The following NPEPPS variants were observed in gnomAD, a reference collection of about 807,000 sequenced individuals.
NPEPPS encodes aminopeptidase puromycin sensitive.
In NPEPPS, 14 loss-of-function variants were observed where a neutral mutation model predicts 115.5. That is an observed-to-expected ratio of 0.12 (90% CI 0.08 to 0.19). The LOEUF is 0.19. Ranked by LOEUF, NPEPPS falls within the 10% of genes least tolerant of loss-of-function variation. NPEPPS has a pLI of 1.00. For synonymous variants in NPEPPS, 285 were observed against 390.6 expected, an observed-to-expected ratio of 0.73 and a Z score of 3.19; for missense variants, 523 against 1,110.8, an observed-to-expected ratio of 0.47 and a Z score of 7.52.
At chr17:47,594,612 TTATGTTATGTTA>T (rs1272402136) in intron 12 of NPEPPS, among the ~76,000 whole-genome samples, 1 of 150,006 alleles carries the variant, frequency 6.7e-6, no homozygotes, top group African/African-American at 2.5e-5. Context: ...TTATGTTATG[TTATGTTATGTTA>T]TGTTATGTTA....
rs111465887 is a variant in NPEPPS, at chr17:47,550,791, T to G, written c.340+4798T>G. On this transcript the variant is annotated intron_variant, in intron 2 of 22. Transcript: ENST00000322157. ...ACAGGTGTGCACCACCACACCCAGC[T>G]AATTTTTGTATTTTTAGTAGAGACA... Among the ~76,000 whole-genome samples, 834 of 151,980 alleles carry G rather than the reference T, an allele frequency of 5.5e-3. 7 individuals carry two copies. Among genetic ancestry groups the G allele is most frequent in the African/African-American group, 0.02 (811 of 41,488 alleles).
chr17:47,558,279 C>T (rs1910193797), intron 2 of NPEPPS, among the ~76,000 whole-genome samples: 2 of 151,154 alleles, frequency 1.3e-5, no homozygotes, highest in African/African-American at 2.4e-5. Flanking sequence ...AGGCTTGTGC[C>T]ACCATTCCTG....
At position 47,618,466 on chromosome 17, in the gene NPEPPS, C is replaced by T. The variant is rs3760370; in HGVS notation, c.2403+9C>T. 0.5 allele frequency: 789,749 copies of T among 1,579,612 alleles called. 199,908 individuals carry two copies. The highest frequency in any genetic ancestry group is 0.56 in the Admixed American group (33,740 of 59,824). ...TCACGTTTGCACTTTCAGTAAGTTA[C>T]GGTGAAAACTGCATTTAGAAGTGAA... On this transcript the variant is annotated intron_variant, in intron 20 of 22. Transcript: ENST00000322157.
At chr17:47,597,842 G>A (rs964551972) in intron 13 of NPEPPS, among the ~76,000 whole-genome samples, 12 of 152,166 alleles carry the variant, frequency 7.9e-5, no homozygotes, top group Admixed American at 5.2e-4. Flanking sequence ...CCCTTTCAGA[G>A]CCAAATCTTA....
At chr17:47,541,784 AT>A (rs1159650621) in intron 1 of NPEPPS, among the ~76,000 whole-genome samples, 2 of 152,146 alleles carry the variant, frequency 1.3e-5, no homozygotes, top group African/African-American at 2.4e-5. Context: ...TTTTAGTGCT[AT>A]TTAGGTATGT....
At chr17:47,524,178 G>A (rs967963920) in intron 1 of NPEPPS, among the ~76,000 whole-genome samples, 3 of 151,628 alleles carry the variant, frequency 2.0e-5, no homozygotes, top group Non-Finnish European at 4.4e-5. Flanking sequence ...GTGGTGGCAG[G>A]CACCTGTAAT....
At chr17:47,614,405 A>G (rs1213083389) in intron 19 of NPEPPS, among the ~76,000 whole-genome samples, 1 of 152,138 alleles carries the variant, frequency 6.6e-6, no homozygotes, top group Non-Finnish European at 1.5e-5. Context: ...TTCTGTGCTT[A>G]GGTTTGTTTT....
chr17:47,595,404 C>T (rs150941018), intron 12 of NPEPPS, among the ~76,000 whole-genome samples: 157 of 152,308 alleles, frequency 1.0e-3, no homozygotes, highest in Non-Finnish European at 1.7e-3. Flanking sequence ...ATGGGTATAA[C>T]GGTCTTAAGT....
chr17:47,543,593 C>T (rs1908947873), intron 1 of NPEPPS, among the ~76,000 whole-genome samples: 1 of 151,196 alleles, frequency 6.6e-6, no homozygotes, highest in Non-Finnish European at 1.5e-5. Flanking sequence ...TCCCAGAGTG[C>T]TGGGATTACA....
At chr17:47,562,683 G>A (rs561802258) in intron 2 of NPEPPS, among the ~76,000 whole-genome samples, 29 of 150,604 alleles carry the variant, frequency 1.9e-4, no homozygotes, top group Non-Finnish European at 3.7e-4. Flanking sequence ...AATGTAATAA[G>A]GAAGAAGAAA....
At chr17:47,579,685 A>G in intron 4 of NPEPPS, 174 bp downstream of exon 4, 1 of 509,536 alleles carries the variant, frequency 2.0e-6, no homozygotes, top group Middle Eastern at 5.8e-4. Flanking sequence ...AAAGGAGGGA[A>G]TTAAGGGTAT....
At chr17:47,597,182 T>C (rs1277296266) in intron 13 of NPEPPS, among the ~76,000 whole-genome samples, 34 of 151,962 alleles carry the variant, frequency 2.2e-4, no homozygotes, top group Admixed American at 2.2e-3. Flanking sequence ...ATATCAATTG[T>C]GTAAAGTAGG....
At chr17:47,581,359 T>C (rs1478268134) in intron 4 of NPEPPS, 3 of 152,250 alleles carry the variant, frequency 2.0e-5, no homozygotes, top group Non-Finnish European at 4.4e-5. Flanking sequence ...TTTTCTGTTA[T>C]ATCTTCACTG....
In NPEPPS at chr17:47,531,368, C is replaced by T; in HGVS notation, c.68C>T (p.Pro23Leu). The change falls in exon 1 of 23, where the codon CCC becomes CTC. Residue 23 changes from proline (P) to leucine (L), a missense_variant. Coordinates refer to ENST00000322157, the MANE Select transcript of NPEPPS (RefSeq NM_006310.4). ...CTCTTCCTCGGCCCTCCGCCTCCTC[C>T]CCTCCTCCTTCTCGTCTTCAGCCGC... ...RLLFLGPPPP[P>L]LLLLVFSRSS... 5.2e-6 allele frequency: 8 copies of T among 1,531,720 alleles called. No individual in the cohort carries two copies. The highest frequency in any genetic ancestry group is 7.1e-6 in the Non-Finnish European group (8 of 1,132,720). The allele number at this position is 1,531,720 out of a possible 1,614,324, so 94.9% of individuals were successfully genotyped here. A position where few individuals can be genotyped will look rare whatever the true frequency, so the allele number is the denominator to read the frequency against.
chr17:47,578,950 G>C (rs2663763), intron 3 of NPEPPS, among the ~76,000 whole-genome samples: 1 of 152,170 alleles, frequency 6.6e-6, no homozygotes, highest in Non-Finnish European at 1.5e-5. Flanking sequence ...CTTACTAATT[G>C]TATGACACTG....
chr17:47,595,496 A>G (rs1912807301), intron 12 of NPEPPS, among the ~76,000 whole-genome samples: 1 of 152,162 alleles, frequency 6.6e-6, no homozygotes, highest in Admixed American at 6.5e-5. Context: ...ATCTTTTATT[A>G]TAATTTGTAA....
chr17:47,618,629 C>T (rs1187611125), intron 20 of NPEPPS, among the ~76,000 whole-genome samples, 172 bp downstream of exon 20: 4 of 152,086 alleles, frequency 2.6e-5, no homozygotes, highest in South Asian at 2.1e-4. Flanking sequence ...CCACTAGTGG[C>T]GAGAATCAGA....
chr17:47,532,235 CTCTT>C (rs1907852051), intron 1 of NPEPPS, among the ~76,000 whole-genome samples: 1 of 152,162 alleles, frequency 6.6e-6, no homozygotes, highest in Admixed American at 6.5e-5. Context: ...ACTTTGTTCT[CTCTT>C]AACCTCCAGA....
At chr17:47,594,352 C>G (rs1567862690) in intron 12 of NPEPPS, among the ~76,000 whole-genome samples, 1 of 151,582 alleles carries the variant, frequency 6.6e-6, no homozygotes, top group East Asian at 1.9e-4. Context: ...TTAACCTTAG[C>G]TTACTGTAAC....
Sources: gnomAD v4.1 joint callset for allele counts (sites outside exome capture counted in the v4.1 genomes callset) on GRCh38, gnomAD v4.1.1 for gene constraint, MANE v1.5 for transcripts, NCBI Gene and HGNC (gene_info 2026-07-23, HGNC 2026-07-21) for gene names.